SHOX: variants seen among roughly 807,000 people sequenced by gnomAD.
SHOX encodes the protein SHOX homeobox.
Under a neutral mutation model 29.6 loss-of-function variants are expected in SHOX, and 12 were observed. The observed-to-expected ratio is 0.41, with a 90% CI of 0.26 to 0.66. The LOEUF (loss-of-function observed/expected upper bound fraction) is 0.66. SHOX is among the 30% of genes least tolerant of loss of function. The pLI is 0.35. For missense variants in SHOX, 499 were observed against 437.7 expected, an observed-to-expected ratio of 1.14 and a Z score of -1.25; for synonymous variants, 214 against 200.6, an observed-to-expected ratio of 1.07 and a Z score of -0.57.
At position 646,462 on chromosome X, in the gene SHOX, C is replaced by G. The variant is rs889200906; in HGVS notation, c.*1826C>G. On this transcript the variant is annotated 3_prime_UTR_variant, in exon 5 of 5. Transcript: ENST00000686671. Reference sequence around the variant, plus strand: ...TCTTATTTCCATAACACATTTGCATCTTTCTGGATTCAAGCTTGGTGGTTT... The same window carrying G: ...TCTTATTTCCATAACACATTTGCATGTTTCTGGATTCAAGCTTGGTGGTTT... 1.3e-5 allele frequency: 2 copies of G among 151,766 alleles called. No individual in the cohort carries two copies. Among genetic ancestry groups the G allele is most frequent in the Non-Finnish European group, 2.9e-5 (2 of 68,012 alleles). 9.4% of individuals were successfully genotyped at this position (151,766 alleles called of 1,614,324 possible). A position where few individuals can be genotyped will look rare whatever the true frequency, so the allele number is the denominator to read the frequency against.
rs866384546 is a variant in SHOX at position 636,558 on chromosome X, C to A, written c.486+1732C>A. On this transcript the variant is annotated intron_variant, in intron 2 of 4. Transcript: ENST00000686671. ...ATATACATATAAAAATATATATAAACATATATACATATAAAGAAATATATA... is the reference window on the plus strand; with the variant it reads ...ATATACATATAAAAATATATATAAAAATATATACATATAAAGAAATATATA... 4.9e-3 allele frequency among the ~76,000 whole-genome samples: 29 copies of A among 5,942 alleles called. No individual in the cohort carries two copies. The African/African-American group carries it at 0.069, about 14-fold the overall frequency. 3.9% of individuals were successfully genotyped at this position (5,942 alleles called of 152,430 possible).
At chrX:625,677 CTT>C (rs554818585) in intron 1 of SHOX, among the ~76,000 whole-genome samples, 3 of 135,682 alleles carry the variant, frequency 2.2e-5, no homozygotes, top group Admixed American at 8.1e-5. Context: ...TCCTCTCTCT[CTT>C]TTTTTCTCTC....
At chrX:644,095 G>GAGCGCATC (rs1159794705) in intron 4 of SHOX, among the ~76,000 whole-genome samples, 5 of 152,246 alleles carry the variant, frequency 3.3e-5, no homozygotes, top group East Asian at 3.9e-4. Context: ...CCTGCGAAGA[G>GAGCGCATC]AGCGCATCGG....
At chrX:641,495 C>G (rs536600240) in intron 4 of SHOX, among the ~76,000 whole-genome samples, 19 of 152,238 alleles carry the variant, frequency 1.2e-4, no homozygotes, top group Middle Eastern at 6.8e-3. Context: ...TCGAGACCAG[C>G]CTGACCAACA....
At chrX:642,558 C>G (rs1204538223) in intron 4 of SHOX, among the ~76,000 whole-genome samples, 1 of 152,216 alleles carries the variant, frequency 6.6e-6, no homozygotes, top group Non-Finnish European at 1.5e-5. Flanking sequence ...CGCATCCCTC[C>G]GCGGTTCTCC....
At chrX:633,538 C>G (rs1288691923) in intron 1 of SHOX, among the ~76,000 whole-genome samples, 1 of 152,090 alleles carries the variant, frequency 6.6e-6, no homozygotes, top group Non-Finnish European at 1.5e-5. Flanking sequence ...GAACAGGGTG[C>G]TAGTATTTAC....
chrX:625,746 TTC>T (rs2052518281), intron 1 of SHOX, among the ~76,000 whole-genome samples: 1 of 146,802 alleles, frequency 6.8e-6, no homozygotes, highest in Non-Finnish European at 1.5e-5. Context: ...CTGTCTCTTT[TTC>T]TCTGTCTCTG....
At chrX:632,774 C>G (rs2052673815) in intron 1 of SHOX, among the ~76,000 whole-genome samples, 1 of 152,188 alleles carries the variant, frequency 6.6e-6, no homozygotes, top group Non-Finnish European at 1.5e-5. Flanking sequence ...CTGCTGCGGG[C>G]ACCCGGCACT....
intron 4 of SHOX, among the ~76,000 whole-genome samples, chrX:644,012 G>C (rs1315004476): frequency 1.5e-5 from 1 of 68,554 alleles, no homozygotes; most frequent in Non-Finnish European, 3.6e-5. Flanking sequence ...GAGGCTTGGG[G>C]ACCTGGTGTC....
chrX:636,168 T>C (rs73607268), intron 2 of SHOX, among the ~76,000 whole-genome samples: 7,883 of 147,366 alleles, frequency 0.053, 745 homozygotes, highest in African/African-American at 0.19. Context: ...TAAACATACA[T>C]AAATGTATGT....
chrX:625,224 T>C lies in SHOX; in HGVS notation c.-433+622T>C, dbSNP rs1317787394. ...TCCTTCTCCTCCTCCTCCTCCTCCT[T>C]CTCCCTCCTCCTCCTCCTTCTACTC... is the stretch of plus-strand genomic sequence containing the variant. On this transcript the variant is annotated intron_variant, in intron 1 of 5. Coordinates refer to the SHOX transcript ENST00000334060. Among the ~76,000 whole-genome samples, 3 of 126,964 alleles carry C rather than the reference T, an allele frequency of 2.4e-5. No homozygotes were observed. The Admixed American group carries it at 2.5e-4, about 11-fold the overall frequency. The allele number at this position is 126,964 out of a possible 152,430, so 83.3% of individuals were successfully genotyped here. A position where few individuals can be genotyped will look rare whatever the true frequency, so the allele number is the denominator to read the frequency against.
At chrX:627,701 C>T (rs2052563183), upstream of SHOX, among the ~76,000 whole-genome samples, 4 of 152,204 alleles carry the variant, frequency 2.6e-5, no homozygotes, top group Admixed American at 2.6e-4. Flanking sequence ...TCCCCATGCT[C>T]ATTCCTGGAG....
At chrX:630,708 C>G (rs1177598402), upstream of SHOX, 2 of 690,190 alleles carry the variant, frequency 2.9e-6, no homozygotes, top group Non-Finnish European at 2.5e-6. Context: ...AGCCCGGAGA[C>G]CAGTAATTGC....
In SHOX at chrX:634,599, C is replaced by T. The variant is rs1187709784; in HGVS notation, c.278-19C>T. 11 of 1,612,334 alleles carry T rather than the reference C, an allele frequency of 6.8e-6. No individual in the cohort carries two copies. The highest frequency in any genetic ancestry group is 1.7e-5 in the Admixed American group (1 of 59,914). ...AAACCTCCCCGGCCTCAGCCCTGTGCCCTCCGCTCCCCACGCAGGGATTTA... is the reference window on the plus strand; with the variant it reads ...AAACCTCCCCGGCCTCAGCCCTGTGTCCTCCGCTCCCCACGCAGGGATTTA... On this transcript the variant is annotated intron_variant, in intron 1 of 4. Coordinates refer to ENST00000686671, the MANE Select transcript of SHOX (RefSeq NM_000451.4).
chrX:626,212 T>G (rs866743909), upstream of SHOX, among the ~76,000 whole-genome samples: 3 of 97,046 alleles, frequency 3.1e-5, no homozygotes, highest in East Asian at 2.6e-4. Flanking sequence ...CTTTTTCTCT[T>G]TCTCTGTATC....
At position 644,691 on chromosome X, in the gene SHOX, G is replaced by A; in HGVS notation, c.*55G>A. ...CTCCCGGGCTCCGCGCACCCCGCCT[G>A]CACCGCGCGTCCTGCACTCAACCCC... On this transcript the variant is annotated 3_prime_UTR_variant, in exon 5 of 5. Transcript: ENST00000686671. The A allele has an allele frequency of 8.7e-6, 12 of 1,375,672 alleles. No homozygotes were observed. Among genetic ancestry groups the A allele is most frequent in the Non-Finnish European group, 1.1e-5 (12 of 1,075,788 alleles). 85.2% of individuals were successfully genotyped at this position (1,375,672 alleles called of 1,614,324 possible). A position where few individuals can be genotyped will look rare whatever the true frequency, so the allele number is the denominator to read the frequency against.
upstream of SHOX, among the ~76,000 whole-genome samples, chrX:628,246 A>C (rs1461355161): frequency 1.9e-5 from 1 of 52,890 alleles, no homozygotes; most frequent in Non-Finnish European, 3.9e-5. Context: ...TCCATCTCCC[A>C]GTCTCTCCCT....
rs1398738646 is a variant in SHOX, at chrX:645,388, G to GTTTTTTTTTTTTTTTTTTTTTT, written c.*753_*754insTTTTTTTTTTTTTTTTTTTTTT. The GTTTTTTTTTTTTTTTTTTTTTT allele has an allele frequency of 1.3e-5, 1 of 77,754 alleles. No individual in the cohort carries two copies. Among genetic ancestry groups the GTTTTTTTTTTTTTTTTTTTTTT allele is most frequent in the African/African-American group, 4.1e-5 (1 of 24,364 alleles). 4.8% of individuals were successfully genotyped at this position (77,754 alleles called of 1,614,324 possible). On this transcript the variant is annotated 3_prime_UTR_variant, in exon 5 of 5. Coordinates refer to ENST00000686671, the MANE Select transcript of SHOX (RefSeq NM_000451.4). Reference sequence around the variant, plus strand: ...TTGGGTCTGGTTTTGTTTTGGATTGGTATTTTTTTTTTTTTTTTTTTTTTT... The same window carrying GTTTTTTTTTTTTTTTTTTTTTT: ...TTGGGTCTGGTTTTGTTTTGGATTGGTTTTTTTTTTTTTTTTTTTTTTTATTTTTTTTTTTTTTTTTTTTTTT...
chrX:640,724 G>A (rs897761873), intron 2 of SHOX, 97 bp from the exon 3 acceptor site: 3 of 1,386,790 alleles, frequency 2.2e-6, no homozygotes, highest in African/African-American at 2.8e-5. Context: ...TCCCAGAGGT[G>A]CAAAGTGCTT....
Sources: allele counts gnomAD v4.1 joint callset (sites outside exome capture counted in the v4.1 genomes callset), GRCh38; gene constraint gnomAD v4.1.1; transcripts MANE v1.5; gene names NCBI Gene and HGNC (gene_info 2026-07-23, HGNC 2026-07-21).